RBFOX1: variants seen among roughly 807,000 people sequenced by gnomAD.
RBFOX1 encodes the protein RNA binding fox-1 homolog 1.
Under a neutral mutation model 57.7 loss-of-function variants are expected in RBFOX1, and 8 were observed. The ratio of observed to expected loss-of-function variants is 0.14; its 90% CI spans 0.08 to 0.25. The LOEUF is 0.25. Among genes scored for constraint, RBFOX1 ranks in the 10% least tolerant of loss-of-function variants. The pLI is 1.00. For synonymous variants in RBFOX1, 326 were observed against 222.4 expected (o/e 1.47, Z -4.15); for missense variants, 611 against 548.5 (o/e 1.11, Z -1.14).
chr16:6,109,747 T>C (rs1333149078), intron 1 of RBFOX1, among the ~76,000 whole-genome samples: 1 of 152,166 alleles, frequency 6.6e-6, no homozygotes, highest in East Asian at 1.9e-4. Flanking sequence ...TTATTAAAAT[T>C]TAAGGGCAGC....
chr16:5,739,424 A>C (rs960839670), intron 3 of RBFOX1, among the ~76,000 whole-genome samples: 1 of 152,202 alleles, frequency 6.6e-6, no homozygotes, highest in Non-Finnish European at 1.5e-5. Context: ...TGGTAGGGGG[A>C]AAGTGGATAA....
At chr16:6,554,482 A>G (rs1239807801) in intron 2 of RBFOX1, among the ~76,000 whole-genome samples, 1 of 152,178 alleles carries the variant, frequency 6.6e-6, no homozygotes, top group African/African-American at 2.4e-5. Context: ...CACTGTGTGA[A>G]TATACTGAAA....
At position 6,581,178 on chromosome 16, in the gene RBFOX1, C is replaced by A. The variant is rs184529865; in HGVS notation, c.-63-73425C>A. On this transcript the variant is annotated intron_variant, in intron 2 of 15. Coordinates refer to ENST00000550418, the MANE Select transcript of RBFOX1 (RefSeq NM_018723.4). ...CTAATGAGTTCCTGCGCCACGCCCA[C>A]CCCTAATGAAGCATCTTCAAGTAGG... Among the ~76,000 whole-genome samples, 5 of 152,240 alleles carry A rather than the reference C, an allele frequency of 3.3e-5. No individual in the cohort carries two copies. The East Asian group carries it at 9.7e-4, about 30-fold the overall frequency.
At chr16:6,726,918 C>G (rs867766112) in intron 3 of RBFOX1, among the ~76,000 whole-genome samples, 12 of 152,108 alleles carry the variant, frequency 7.9e-5, no homozygotes, top group South Asian at 2.1e-4. Context: ...AAATAAAGGA[C>G]ACTTTCAGGA....
chr16:5,510,503 T>TTA (rs2043545672), intron 2 of RBFOX1, among the ~76,000 whole-genome samples: 1 of 151,644 alleles, frequency 6.6e-6, no homozygotes, highest in Non-Finnish European at 1.5e-5. Context: ...CCCACCAAGT[T>TTA]TTGGCCAAAG....
chr16:5,859,374 C>T (rs774004764), intron 3 of RBFOX1, among the ~76,000 whole-genome samples: 8 of 152,164 alleles, frequency 5.3e-5, no homozygotes, highest in Non-Finnish European at 1.0e-4. Flanking sequence ...CAACTCTAAG[C>T]CAGACGTTCC....
intron 4 of RBFOX1, among the ~76,000 whole-genome samples, chr16:7,342,435 C>T (rs1044406230): frequency 3.9e-5 from 6 of 152,216 alleles, no homozygotes; most frequent in African/African-American, 1.4e-4. Flanking sequence ...GTCACATCGA[C>T]TGCAGAAGGG....
At chr16:6,083,796 C>T (rs1383849313) in intron 1 of RBFOX1, among the ~76,000 whole-genome samples, 3 of 152,006 alleles carry the variant, frequency 2.0e-5, no homozygotes, top group African/African-American at 7.2e-5. Context: ...TGGTCTCAAT[C>T]CCTCAACTCC....
chr16:7,294,513 A>G (rs1341041546), intron 4 of RBFOX1, among the ~76,000 whole-genome samples: 1 of 147,130 alleles, frequency 6.8e-6, no homozygotes, highest in Admixed American at 6.8e-5. Flanking sequence ...ATGATAGGAA[A>G]GTGTTGGCAA....
chr16:5,514,127 C>G (rs2043702749), intron 2 of RBFOX1, among the ~76,000 whole-genome samples: 1 of 152,096 alleles, frequency 6.6e-6, no homozygotes, highest in Admixed American at 6.5e-5. Context: ...TACCCCAAAA[C>G]TTTATGGTTC....
intron 4 of RBFOX1, among the ~76,000 whole-genome samples, chr16:7,392,843 T>C (rs945239469): frequency 4.8e-5 from 7 of 146,076 alleles, no homozygotes; most frequent in Admixed American, 3.4e-4. Context: ...TTTGTTGTTT[T>C]GGTTTGGTTT....
At chr16:6,052,799 T>TA (rs2095567789) in intron 1 of RBFOX1, among the ~76,000 whole-genome samples, 5 of 60,630 alleles carry the variant, frequency 8.2e-5, no homozygotes, top group Admixed American at 6.6e-4. Context: ...ATAAATAAAA[T>TA]AAAATATAAT....
chr16:5,407,063 G>C lies in RBFOX1; in HGVS notation c.220-60153G>C, dbSNP rs148108582. 2.6e-3 allele frequency among the ~76,000 whole-genome samples: 395 copies of C among 152,298 alleles called. 1 individual carries two copies. Among genetic ancestry groups the C allele is most frequent in the African/African-American group, 8.8e-3 (367 of 41,556 alleles). ...AGGTTTAGTTGACTCAGTTCCACCT[G>C]GGTGGGGAGGCCTCAGGAAACTTAG... On this transcript the variant is annotated intron_variant, in intron 1 of 2. Transcript: ENST00000585867.
chr16:6,796,448 C>A lies in RBFOX1; in HGVS notation c.-16+141798C>A, dbSNP rs540985343. 3.3e-5 allele frequency among the ~76,000 whole-genome samples: 5 copies of A among 152,234 alleles called. No individual in the cohort carries two copies. In the South Asian group the frequency reaches 6.2e-4, roughly 19 times the overall value. On this transcript the variant is annotated intron_variant, in intron 3 of 15. Transcript: ENST00000550418. ...AAACAGATAAAGCACCCTAACCCCC[C>A]ACTGCCAAATCAACACTCTTCCACT...
intron 1 of RBFOX1, among the ~76,000 whole-genome samples, chr16:6,069,136 C>G (rs532990024): frequency 6.8e-4 from 104 of 152,144 alleles, no homozygotes; most frequent in African/African-American, 2.3e-3. Context: ...CGGCGGCTGA[C>G]GCATGTAATC....
chr16:5,905,819 C>G (rs1311175983), intron 4 of RBFOX1, among the ~76,000 whole-genome samples: 1 of 152,182 alleles, frequency 6.6e-6, no homozygotes, highest in Non-Finnish European at 1.5e-5. Context: ...CTGATCCACT[C>G]CCAAGCCCCA....
intron 3 of RBFOX1, among the ~76,000 whole-genome samples, chr16:6,851,690 C>G (rs1031206212): frequency 1.3e-4 from 20 of 152,060 alleles, no homozygotes; most frequent in African/African-American, 4.6e-4. Context: ...GGTGAGATAA[C>G]AATTTCAATG....
At chr16:7,141,220 T>A (rs1318211434) in intron 4 of RBFOX1, among the ~76,000 whole-genome samples, 1 of 152,112 alleles carries the variant, frequency 6.6e-6, no homozygotes, top group Admixed American at 6.5e-5. Flanking sequence ...GGGTGAGTGT[T>A]AGTGCTGGAT....
chr16:5,832,680 C>G (rs944255134), intron 3 of RBFOX1, among the ~76,000 whole-genome samples: 1 of 152,128 alleles, frequency 6.6e-6, no homozygotes, highest in African/African-American at 2.4e-5. Context: ...TTAGCCTAAT[C>G]CATAAAATGT....
Sources: gnomAD v4.1 joint callset for allele counts (sites outside exome capture counted in the v4.1 genomes callset) on GRCh38, gnomAD v4.1.1 for gene constraint, MANE v1.5 for transcripts, NCBI Gene and HGNC (gene_info 2026-07-23, HGNC 2026-07-21) for gene names.